ARFIP1: variants seen among roughly 807,000 people sequenced by gnomAD.
ARFIP1 encodes the protein ARF interacting protein 1.
Under a neutral mutation model 42.5 loss-of-function variants are expected in ARFIP1, and 24 were observed. The observed-to-expected ratio is 0.57, with a 90% confidence interval of 0.41 to 0.80. The LOEUF is 0.80. ARFIP1 is among the 30% of genes least tolerant of loss of function. ARFIP1 has a pLI of 0.00. For missense variants in ARFIP1, 354 were observed against 434.0 expected, an observed-to-expected ratio of 0.82 and a Z score of 1.64; for synonymous variants, 141 against 153.7, an observed-to-expected ratio of 0.92 and a Z score of 0.61.
At chr4:152,876,585 C>G (rs1270941317) in intron 5 of ARFIP1, among the ~76,000 whole-genome samples, 3 of 152,194 alleles carry the variant, frequency 2.0e-5, no homozygotes, top group African/African-American at 4.8e-5. Flanking sequence ...AAGAAAAACC[C>G]ATTTTGGGGG....
chr4:152,788,251 G>C (rs906001519), intron 1 of ARFIP1, among the ~76,000 whole-genome samples: 1 of 152,134 alleles, frequency 6.6e-6, no homozygotes, highest in Non-Finnish European at 1.5e-5. Context: ...TGTGTTATTA[G>C]TAGCTATATA....
intron 2 of ARFIP1, among the ~76,000 whole-genome samples, chr4:152,831,058 G>T (rs1053160510): frequency 1.2e-4 from 18 of 152,118 alleles, no homozygotes; most frequent in Admixed American, 7.9e-4. Flanking sequence ...GCACACAAAA[G>T]AAATTTTCAT....
At chr4:152,820,859 A>G (rs1167479634) in intron 1 of ARFIP1, among the ~76,000 whole-genome samples, 3 of 152,206 alleles carry the variant, frequency 2.0e-5, no homozygotes, top group Non-Finnish European at 4.4e-5. Flanking sequence ...CAAAGACTCT[A>G]CATAACCAAG....
intron 1 of ARFIP1, among the ~76,000 whole-genome samples, chr4:152,812,602 A>ATAACATAAACTT (rs1410787638): frequency 1.3e-5 from 2 of 152,226 alleles, no homozygotes; most frequent in Non-Finnish European, 2.9e-5. Flanking sequence ...TTATGTTTTC[A>ATAACATAAACTT]GCCTGGAGCT....
intron 5 of ARFIP1, among the ~76,000 whole-genome samples, chr4:152,873,735 C>T (rs1202044379): frequency 1.3e-5 from 2 of 152,206 alleles, no homozygotes; most frequent in Admixed American, 6.5e-5. Flanking sequence ...TCTCACATTA[C>T]TGTAACAGCT....
intron 8 of ARFIP1, among the ~76,000 whole-genome samples, chr4:152,889,541 A>T (rs1736565419): frequency 1.7e-5 from 2 of 115,120 alleles, no homozygotes; most frequent in Admixed American, 9.5e-5. Flanking sequence ...ATATACACCT[A>T]TTTTTGTGTG....
At chr4:152,824,457 A>G (rs114737938) in intron 1 of ARFIP1, among the ~76,000 whole-genome samples, 2,414 of 152,334 alleles carry the variant, frequency 0.016, 61 homozygotes, top group African/African-American at 0.055. Flanking sequence ...GATCATCTCA[A>G]TAAATGCAGA....
In ARFIP1 at chr4:152,870,809, C is replaced by G. The variant is rs1231906329; in HGVS notation, c.259C>G (p.Arg87Gly). The change falls in exon 4 of 9, where the codon CGA becomes GGA. Residue 87 changes from arginine (R) to glycine (G), a missense_variant. Coordinates refer to ENST00000353617, the MANE Select transcript of ARFIP1 (RefSeq NM_001025595.3). The part of the protein sequence containing the change: ...VMSPSRVAAS[R>G]LAQQGSDLIV... ...GTCTCCTAGCAGGGTTGCAGCTAGT[C>G]GACTGGCTCAGCAAGGAAGTGATTT... 1 of 1,613,994 alleles carries G rather than the reference C, an allele frequency of 6.2e-7. No individual in the cohort carries two copies. Among genetic ancestry groups the G allele is most frequent in the South Asian group, 1.1e-5 (1 of 91,038 alleles).
At chr4:152,827,563 T>TCTTC (rs1220078162) in intron 1 of ARFIP1, among the ~76,000 whole-genome samples, 1 of 152,230 alleles carries the variant, frequency 6.6e-6, no homozygotes, top group Admixed American at 6.5e-5. Flanking sequence ...TTCAGCCTGT[T>TCTTC]CTTCCTTCCT....
intron 1 of ARFIP1, among the ~76,000 whole-genome samples, chr4:152,803,689 A>G (rs1000037858): frequency 3.3e-5 from 5 of 152,058 alleles, no homozygotes; most frequent in Middle Eastern, 3.2e-3. Context: ...CAGGTGTCCT[A>G]GTTTAATTCT....
intron 5 of ARFIP1, among the ~76,000 whole-genome samples, chr4:152,874,960 CG>C (rs1325413230): frequency 1.1e-4 from 16 of 152,102 alleles, no homozygotes; most frequent in Non-Finnish European, 2.9e-5. Flanking sequence ...CCACCAAGCC[CG>C]GCCCCATTTT....
rs61135783 is a variant in ARFIP1, at chr4:152,808,283, A to ATTTTTTTTTTTTTTT, written c.-9-21322_-9-21308dup. ...GTGTGAGCCACCACGCCTGGCCTCC[A>ATTTTTTTTTTTTTTT]TTTTTTTTTTTTTTTTTTTTTTTTT... On this transcript the variant is annotated intron_variant, in intron 1 of 8. Coordinates refer to ENST00000353617, the MANE Select transcript of ARFIP1 (RefSeq NM_001025595.3). Among the ~76,000 whole-genome samples, 61 of 20,306 alleles carry ATTTTTTTTTTTTTTT rather than the reference A, an allele frequency of 3.0e-3. 11 individuals are homozygous for ATTTTTTTTTTTTTTT. Among genetic ancestry groups the ATTTTTTTTTTTTTTT allele is most frequent in the East Asian group, 4.8e-3 (3 of 620 alleles). The allele number at this position is 20,306 out of a possible 152,430, so 13.3% of individuals were successfully genotyped here. A position where few individuals can be genotyped will look rare whatever the true frequency, so the allele number is the denominator to read the frequency against.
At chr4:152,861,391 T>A (rs1383710061) in intron 2 of ARFIP1, among the ~76,000 whole-genome samples, 1 of 152,254 alleles carries the variant, frequency 6.6e-6, no homozygotes, top group Non-Finnish European at 1.5e-5. Flanking sequence ...AACCAAGTTA[T>A]CCTTACTGTA....
At chr4:152,832,661 A>G (rs1731343557) in intron 2 of ARFIP1, among the ~76,000 whole-genome samples, 1 of 152,196 alleles carries the variant, frequency 6.6e-6, no homozygotes, top group Non-Finnish European at 1.5e-5. Flanking sequence ...CTACTTCAGT[A>G]TCTTGAAGAC....
intron 7 of ARFIP1, among the ~76,000 whole-genome samples, chr4:152,884,095 A>G (rs1736077328): frequency 6.6e-6 from 1 of 152,012 alleles, no homozygotes; most frequent in Non-Finnish European, 1.5e-5. Context: ...ATGTTTTCAC[A>G]GGAAGAGATG....
intron 1 of ARFIP1, among the ~76,000 whole-genome samples, chr4:152,811,171 C>T (rs1729433634): frequency 8.7e-6 from 1 of 114,326 alleles, no homozygotes; most frequent in African/African-American, 3.4e-5. Flanking sequence ...AGACATTGTT[C>T]TTTATTCAAT....
At chr4:152,793,692 G>C (rs560492785) in intron 1 of ARFIP1, among the ~76,000 whole-genome samples, 1 of 152,270 alleles carries the variant, frequency 6.6e-6, no homozygotes, top group Non-Finnish European at 1.5e-5. Context: ...CTGAGGCGGA[G>C]TAATTTATAA....
chr4:152,860,718 C>A (rs578077732), intron 2 of ARFIP1, among the ~76,000 whole-genome samples: 1 of 152,204 alleles, frequency 6.6e-6, no homozygotes, highest in Non-Finnish European at 1.5e-5. Context: ...TAATTTATTT[C>A]CAATAATAAA....
At chr4:152,816,886 A>G (rs529470833) in intron 1 of ARFIP1, among the ~76,000 whole-genome samples, 2 of 152,246 alleles carry the variant, frequency 1.3e-5, no homozygotes, top group Admixed American at 6.5e-5. Flanking sequence ...TTCCTTTACT[A>G]TATTCGTAAT....
Sources: gnomAD v4.1 joint callset for allele counts (sites outside exome capture counted in the v4.1 genomes callset) on GRCh38, gnomAD v4.1.1 for gene constraint, MANE v1.5 for transcripts, NCBI Gene and HGNC (gene_info 2026-07-23, HGNC 2026-07-21) for gene names.